OLFM3: variants seen among roughly 807,000 people sequenced by gnomAD.
The protein encoded by OLFM3 is olfactomedin 3.
OLFM3 carries 20 observed loss-of-function variants against 48.6 expected under a neutral mutation model. The observed-to-expected ratio is 0.41, with a 90% CI of 0.29 to 0.60. The LOEUF is 0.60. Ranked by LOEUF, OLFM3 falls within the 20% of genes least tolerant of loss-of-function variation. OLFM3 has a pLI of 0.28. For synonymous variants in OLFM3, 222 were observed against 198.1 expected (o/e 1.12, Z -1.01); for missense variants, 437 against 544.3 (o/e 0.80, Z 1.96).
At chr1:101,915,224 T>A (rs541867407) in intron 1 of OLFM3, among the ~76,000 whole-genome samples, 1 of 152,282 alleles carries the variant, frequency 6.6e-6, no homozygotes, top group South Asian at 2.1e-4. Flanking sequence ...ATTATGCTCT[T>A]AAGATACAGA....
chr1:101,808,099 A>G (rs1489980568), intron 4 of OLFM3, among the ~76,000 whole-genome samples: 1 of 149,766 alleles, frequency 6.7e-6, no homozygotes, highest in Non-Finnish European at 1.5e-5. Flanking sequence ...TGTAACAAAT[A>G]GAAGGGCCTC....
At chr1:101,886,441 A>C (rs1475637677) in intron 1 of OLFM3, among the ~76,000 whole-genome samples, 2 of 152,068 alleles carry the variant, frequency 1.3e-5, no homozygotes, top group Non-Finnish European at 2.9e-5. Context: ...ATAATTTTGT[A>C]TGTACATAAA....
At chr1:101,893,530 T>C in intron 1 of OLFM3, 1 of 287,244 alleles carries the variant, frequency 3.5e-6, no homozygotes, top group South Asian at 4.7e-5. Context: ...AAACCAGGAC[T>C]GGAGCCAGGA....
intron 1 of OLFM3, chr1:101,893,644 G>A (rs143092711): frequency 2.7e-4 from 49 of 182,432 alleles, no homozygotes; most frequent in African/African-American, 1.1e-3. Flanking sequence ...GTATTGCATG[G>A]CTTCTGAAAA....
At chr1:101,879,864 G>C (rs1284741434) in intron 1 of OLFM3, among the ~76,000 whole-genome samples, 2 of 151,698 alleles carry the variant, frequency 1.3e-5, no homozygotes, top group Non-Finnish European at 2.9e-5. Flanking sequence ...CTAAAATAAA[G>C]TTTCTCTTAA....
At chr1:101,897,119 T>G (rs1658236034) in intron 1 of OLFM3, among the ~76,000 whole-genome samples, 1 of 152,022 alleles carries the variant, frequency 6.6e-6, no homozygotes, top group African/African-American at 2.4e-5. Flanking sequence ...TAACTGCAGG[T>G]GTGTGTGTGT....
intron 1 of OLFM3, among the ~76,000 whole-genome samples, chr1:101,926,729 A>G (rs1659280441): frequency 6.6e-6 from 1 of 152,186 alleles, no homozygotes; most frequent in African/African-American, 2.4e-5. Context: ...TGATGTCATC[A>G]TGAGTGTATG....
At chr1:101,865,088 G>T (rs948661566) in intron 1 of OLFM3, among the ~76,000 whole-genome samples, 4 of 152,102 alleles carry the variant, frequency 2.6e-5, no homozygotes, top group Non-Finnish European at 4.4e-5. Context: ...TAGTATTTCT[G>T]CCTCCTCCTT....
rs762514473 is a variant in OLFM3 at position 101,804,682 on chromosome 1, A to G, written c.933T>C (p.Ala311=). The change falls in exon 6 of 6, where the codon GCT becomes GCC. Residue 311 remains alanine (A), a synonymous_variant. Transcript: ENST00000370103. This position sits in a 1 kb window ranked among gnomAD's most constrained non-coding sequence, Gnocchi z 4.5. The part of the protein sequence containing the change: ...RVLAQRSLEY[A]GFHNVYPYTW... ...TGTAGGGGTAAACATTATGAAAACC[A>G]GCATACTCCAGGCTTCGTTGGGCAA... is the stretch of plus-strand genomic sequence containing the variant. 1 of 1,612,636 alleles carries G rather than the reference A, an allele frequency of 6.2e-7. No individual in the cohort carries two copies. Among genetic ancestry groups the G allele is most frequent in the Non-Finnish European group, 8.5e-7 (1 of 1,179,160 alleles).
At chr1:101,812,992 C>T (rs1413494960) in intron 4 of OLFM3, 4 of 1,079,592 alleles carry the variant, frequency 3.7e-6, no homozygotes, top group South Asian at 2.2e-5. Context: ...CAACCATTTA[C>T]TGTGAACTTA....
At chr1:101,848,391 A>G (rs1436279729) in intron 1 of OLFM3, among the ~76,000 whole-genome samples, 1 of 152,200 alleles carries the variant, frequency 6.6e-6, no homozygotes, top group Non-Finnish European at 1.5e-5. Flanking sequence ...ATAAAACTGA[A>G]AGAGATACAT....
intron 1 of OLFM3, among the ~76,000 whole-genome samples, chr1:101,877,308 T>C (rs1657341333): frequency 1.3e-5 from 2 of 151,918 alleles, no homozygotes; most frequent in Non-Finnish European, 2.9e-5. Flanking sequence ...CTCTTTCCAT[T>C]ACTTCCTCCT....
intron 1 of OLFM3, among the ~76,000 whole-genome samples, chr1:101,936,160 A>G (rs1268395204): frequency 6.6e-6 from 1 of 151,968 alleles, no homozygotes; most frequent in Non-Finnish European, 1.5e-5. Context: ...TGCATCAGAG[A>G]AATAGAGAAA....
chr1:101,950,164 A>T (rs1660092668), intron 1 of OLFM3, among the ~76,000 whole-genome samples: 1 of 152,026 alleles, frequency 6.6e-6, no homozygotes, highest in African/African-American at 2.4e-5. Flanking sequence ...ATCTCTGATC[A>T]CTCTCTAATC....
At chr1:101,925,493 G>A (rs968859293) in intron 1 of OLFM3, among the ~76,000 whole-genome samples, 3 of 151,752 alleles carry the variant, frequency 2.0e-5, no homozygotes, top group African/African-American at 4.8e-5. Context: ...GTGTGTGTGT[G>A]TCTGTAGTCT....
intron 1 of OLFM3, among the ~76,000 whole-genome samples, chr1:101,864,166 G>T (rs1656768528): frequency 6.6e-6 from 1 of 151,494 alleles, no homozygotes; most frequent in Non-Finnish European, 1.5e-5. Context: ...AGTGATGTCA[G>T]TATAATGTGA....
chr1:101,955,655 C>A (rs1309889893), intron 1 of OLFM3, among the ~76,000 whole-genome samples: 3 of 151,882 alleles, frequency 2.0e-5, no homozygotes, highest in African/African-American at 7.2e-5. Context: ...CTTCTTCTAA[C>A]TTGTTGAAGT....
intron 1 of OLFM3, among the ~76,000 whole-genome samples, chr1:101,855,343 G>A (rs1442334542): frequency 6.6e-6 from 1 of 151,930 alleles, no homozygotes; most frequent in East Asian, 1.9e-4. Context: ...AAATATGTTC[G>A]CTGAAGTCAC....
intron 1 of OLFM3, among the ~76,000 whole-genome samples, chr1:101,965,810 T>A (rs1319260629): frequency 6.6e-6 from 1 of 152,204 alleles, no homozygotes; most frequent in African/African-American, 2.4e-5. Flanking sequence ...AATTTGCACC[T>A]CCAGATCCAT....
Sources: gnomAD v4.1 joint callset for allele counts (sites outside exome capture counted in the v4.1 genomes callset) on GRCh38, gnomAD v4.1.1 for gene constraint, Gnocchi (gnomAD v3.1) non-coding constraint, MANE v1.5 for transcripts, NCBI Gene and HGNC (gene_info 2026-07-23, HGNC 2026-07-21) for gene names.